NBEA: variants seen among roughly 807,000 people sequenced by gnomAD.
NBEA encodes neurobeachin.
In NBEA, 44 loss-of-function variants were observed where a neutral mutation model predicts 343.4. The ratio of observed to expected loss-of-function variants is 0.13; its 90% CI spans 0.10 to 0.16. The LOEUF is 0.16. NBEA is among the 10% of genes least tolerant of loss of function. The pLI, the probability that NBEA is intolerant of heterozygous loss-of-function variation, is 1.00. For synonymous variants in NBEA, 1,175 were observed against 1,238.7 expected (o/e 0.95, Z 1.08); for missense variants, 2,555 against 3,631.3 (o/e 0.70, Z 7.62).
At position 35,157,067 on chromosome 13, in the gene NBEA, T is replaced by C; in HGVS notation, c.2652-11T>C. 1 of 1,514,506 alleles carries C rather than the reference T, an allele frequency of 6.6e-7. No individual in the cohort carries two copies. The highest frequency in any genetic ancestry group is 2.3e-5 in the Admixed American group (1 of 43,056). The allele number at this position is 1,514,506 out of a possible 1,614,324, so 93.8% of individuals were successfully genotyped here. A position where few individuals can be genotyped will look rare whatever the true frequency, so the allele number is the denominator to read the frequency against. ...GATATTTTTAATGAGATCAAATTTT[T>C]TTCTCCCTAGATGCTTATTGCAGTG... On this transcript the variant is annotated splice_polypyrimidine_tract_variant and intron_variant, in intron 20 of 58. Coordinates refer to ENST00000379939, the MANE Select transcript of NBEA (RefSeq NM_001385012.1).
At chr13:35,651,175 T>TG (rs1197137875) in intron 52 of NBEA, among the ~76,000 whole-genome samples, 1 of 152,224 alleles carries the variant, frequency 6.6e-6, no homozygotes, top group East Asian at 1.9e-4. Context: ...TAATCACGTG[T>TG]GAAAAACTAT....
Position 35,067,431 on chromosome 13 carries a change from A to G in NBEA, c.1240-2477A>G, listed in dbSNP as rs112504604. Among the ~76,000 whole-genome samples the G allele has an allele frequency of 7.7e-3, 1,175 of 152,272 alleles. 17 individuals carry two copies. Among genetic ancestry groups the G allele is most frequent in the African/African-American group, 0.027 (1,107 of 41,570 alleles). On this transcript the variant is annotated intron_variant, in intron 8 of 58. Coordinates refer to ENST00000379939, the MANE Select transcript of NBEA (RefSeq NM_001385012.1). ...CTTCTTTTCTTCTTTTAAAATAATT[A>G]TAACAGTTTTATTGAAGTGTAATTT...
rs928327427 is a variant in NBEA at position 34,986,649 on chromosome 13, A to C, written c.294+43535A>C. On this transcript the variant is annotated intron_variant, in intron 1 of 58. Transcript: ENST00000379939. The stretch of plus-strand genomic sequence containing the variant: ...TGACAGTAGGGTGTTAAAGTCTCCC[A>C]TTATTATTGTGTGGGAGTCTAAGTC... Among the ~76,000 whole-genome samples the C allele has an allele frequency of 3.1e-4, 47 of 150,880 alleles. 4 individuals are homozygous for C. The highest frequency in any genetic ancestry group is 4.9e-4 in the Non-Finnish European group (33 of 67,358).
chr13:35,514,895 C>T (rs1278527615), intron 41 of NBEA, among the ~76,000 whole-genome samples: 1 of 152,152 alleles, frequency 6.6e-6, no homozygotes, highest in East Asian at 1.9e-4. Flanking sequence ...TGACAAAAAC[C>T]TGTGTTACCT....
At chr13:35,096,429 T>G (rs577246387) in intron 10 of NBEA, among the ~76,000 whole-genome samples, 2 of 151,980 alleles carry the variant, frequency 1.3e-5, no homozygotes, top group African/African-American at 4.8e-5. Flanking sequence ...AGGTCTGAGT[T>G]AACTCATTAG....
intron 28 of NBEA, among the ~76,000 whole-genome samples, chr13:35,182,092 A>G (rs1010796248): frequency 6.6e-6 from 1 of 151,706 alleles, no homozygotes; most frequent in Non-Finnish European, 1.5e-5. Flanking sequence ...AGTAGTAGAT[A>G]ATAATGGACA....
chr13:35,201,023 A>G (rs1440072277), intron 31 of NBEA, among the ~76,000 whole-genome samples: 2 of 152,032 alleles, frequency 1.3e-5, no homozygotes, highest in East Asian at 3.9e-4. Flanking sequence ...TTTTTAAAAA[A>G]GTATTTTGAC....
intron 49 of NBEA, among the ~76,000 whole-genome samples, chr13:35,640,753 A>C (rs2083906984): frequency 6.6e-6 from 1 of 152,212 alleles, no homozygotes; most frequent in South Asian, 2.1e-4. Flanking sequence ...AAACTGAGTT[A>C]TGTGTCATAT....
chr13:35,332,529 A>G (rs1169224211), intron 36 of NBEA, among the ~76,000 whole-genome samples: 1 of 152,154 alleles, frequency 6.6e-6, no homozygotes, highest in Non-Finnish European at 1.5e-5. Context: ...TTTGGATAAC[A>G]CCAATGGAAA....
At chr13:35,326,251 A>G (rs1566621849) in intron 36 of NBEA, among the ~76,000 whole-genome samples, 2 of 152,064 alleles carry the variant, frequency 1.3e-5, no homozygotes, top group Non-Finnish European at 2.9e-5. Context: ...AATGATATTC[A>G]TTCTCCCAAT....
chr13:34,993,684 A>C (rs2060838712), intron 1 of NBEA, among the ~76,000 whole-genome samples: 2 of 152,200 alleles, frequency 1.3e-5, no homozygotes, highest in African/African-American at 4.8e-5. Context: ...GTTACAACAT[A>C]GAGTAGTGCC....
At chr13:35,143,585 T>C (rs1461287629) in intron 18 of NBEA, among the ~76,000 whole-genome samples, 2 of 152,196 alleles carry the variant, frequency 1.3e-5, no homozygotes, top group East Asian at 3.8e-4. Context: ...TCCATAATAT[T>C]ATTCCTAACT....
intron 38 of NBEA, among the ~76,000 whole-genome samples, chr13:35,408,287 CTAAGA>C (rs2043386772): frequency 6.6e-6 from 1 of 152,098 alleles, no homozygotes; most frequent in African/African-American, 2.4e-5. Flanking sequence ...AAATTTAGTG[CTAAGA>C]TAAGTGGCTA....
At chr13:35,030,967 T>A (rs556699040) in intron 1 of NBEA, among the ~76,000 whole-genome samples, 1 of 151,744 alleles carries the variant, frequency 6.6e-6, no homozygotes, top group Admixed American at 6.6e-5. Flanking sequence ...CCAGCACCCC[T>A]GCAATGAGCC....
chr13:35,424,856 A>G (rs12122448), intron 38 of NBEA, among the ~76,000 whole-genome samples: 3 of 152,152 alleles, frequency 2.0e-5, no homozygotes, highest in Non-Finnish European at 2.9e-5. Flanking sequence ...CAGAGATTCA[A>G]CTTCTTCCTG....
intron 38 of NBEA, among the ~76,000 whole-genome samples, chr13:35,414,922 A>T (rs1041629353): frequency 6.6e-6 from 1 of 152,178 alleles, no homozygotes; most frequent in African/African-American, 2.4e-5. Context: ...AATGATCGCC[A>T]TTCTAACTGG....
intron 40 of NBEA, 52 bp from the exon 41 acceptor site, chr13:35,472,348 G>A: frequency 1.9e-6 from 3 of 1,580,220 alleles, no homozygotes; most frequent in East Asian, 4.5e-5. Flanking sequence ...CTGGGAGGGA[G>A]CAGGAAGGGC....
intron 10 of NBEA, among the ~76,000 whole-genome samples, chr13:35,085,261 C>G (rs532432493): frequency 2.6e-5 from 4 of 151,982 alleles, no homozygotes; most frequent in Non-Finnish European, 5.9e-5. Context: ...GATACCAAAG[C>G]CTGGCAGAGA....
intron 55 of NBEA, among the ~76,000 whole-genome samples, chr13:35,661,003 C>T (rs1366693177): frequency 1.3e-5 from 2 of 152,174 alleles, no homozygotes; most frequent in Non-Finnish European, 2.9e-5. Flanking sequence ...CAGTAGACCA[C>T]TCATCCACCC....
Sources: allele counts gnomAD v4.1 joint callset (sites outside exome capture counted in the v4.1 genomes callset), GRCh38; gene constraint gnomAD v4.1.1; transcripts MANE v1.5; gene names NCBI Gene and HGNC (gene_info 2026-07-23, HGNC 2026-07-21).